Variants in LRRC4C observed in about 807,000 individuals in gnomAD.
The protein encoded by LRRC4C is leucine rich repeat containing 4C.
In LRRC4C, 5 loss-of-function variants were observed where a neutral mutation model predicts 33.6. The observed-to-expected ratio is 0.15, with a 90% confidence interval of 0.08 to 0.31. The LOEUF is 0.31. Ranked by LOEUF, LRRC4C falls within the 10% of genes least tolerant of loss-of-function variation. The pLI is 1.00. For synonymous variants in LRRC4C, 329 were observed against 302.0 expected (o/e 1.09, Z -0.93); for missense variants, 560 against 796.7 (o/e 0.70, Z 3.58).
At chr11:40,731,959 C>T (rs557268449) in intron 2 of LRRC4C, among the ~76,000 whole-genome samples, 6 of 151,986 alleles carry the variant, frequency 3.9e-5, no homozygotes, top group African/African-American at 7.2e-5. Flanking sequence ...TTTGCATGGA[C>T]CTTTTTTGAA....
chr11:40,894,098 T>A (rs558541342), intron 2 of LRRC4C, among the ~76,000 whole-genome samples: 1 of 152,276 alleles, frequency 6.6e-6, no homozygotes, highest in Admixed American at 6.5e-5. Flanking sequence ...GCTTTGCAGA[T>A]CAATTTTTTC....
chr11:40,641,940 C>T (rs538159280), intron 3 of LRRC4C, among the ~76,000 whole-genome samples: 6 of 152,098 alleles, frequency 3.9e-5, no homozygotes, highest in Middle Eastern at 3.5e-3. Flanking sequence ...AAATTCAGAG[C>T]CCTTCCTTGG....
intron 3 of LRRC4C, among the ~76,000 whole-genome samples, chr11:40,557,360 T>G (rs1957371683): frequency 6.6e-6 from 1 of 152,114 alleles, no homozygotes; most frequent in Non-Finnish European, 1.5e-5. Context: ...GTATGAAAAT[T>G]AGAAATAATG....
intron 3 of LRRC4C, among the ~76,000 whole-genome samples, chr11:40,341,624 A>G (rs1946871138): frequency 6.6e-6 from 1 of 152,218 alleles, no homozygotes; most frequent in Non-Finnish European, 1.5e-5. Context: ...CCAACATGGC[A>G]CATGTATACA....
chr11:40,388,687 G>A (rs954156125), intron 3 of LRRC4C, among the ~76,000 whole-genome samples: 3 of 152,144 alleles, frequency 2.0e-5, no homozygotes, highest in African/African-American at 7.2e-5. Context: ...ATGGTAATCT[G>A]CTAACTGAGC....
At chr11:41,227,828 T>C (rs1034328221) in intron 1 of LRRC4C, among the ~76,000 whole-genome samples, 29 of 152,282 alleles carry the variant, frequency 1.9e-4, no homozygotes, top group Admixed American at 1.9e-3. Flanking sequence ...TTTTCTACTA[T>C]TGGATTGATA....
At chr11:40,159,512 T>C (rs1858984521) in intron 5 of LRRC4C, among the ~76,000 whole-genome samples, 1 of 152,128 alleles carries the variant, frequency 6.6e-6, no homozygotes, top group Non-Finnish European at 1.5e-5. Context: ...AAATCTTCCT[T>C]AGAAAAGGTG....
intron 3 of LRRC4C, among the ~76,000 whole-genome samples, chr11:40,591,284 C>T (rs952869278): frequency 1.3e-5 from 2 of 152,180 alleles, no homozygotes; most frequent in Non-Finnish European, 2.9e-5. Context: ...GGAAAGGGAA[C>T]TCCCTGACCC....
chr11:41,298,896 G>A (rs1484841043), intron 1 of LRRC4C, among the ~76,000 whole-genome samples: 1 of 151,318 alleles, frequency 6.6e-6, no homozygotes, highest in Admixed American at 6.6e-5. Context: ...TGTGGTATTT[G>A]ACATTCTATT....
intron 1 of LRRC4C, among the ~76,000 whole-genome samples, chr11:41,199,427 C>T (rs560743526): frequency 2.3e-4 from 35 of 152,140 alleles, no homozygotes; most frequent in Admixed American, 8.5e-4. Flanking sequence ...AATATGATTC[C>T]TCTTCCGGGC....
At chr11:40,876,270 T>TTTG (rs1954884602) in intron 2 of LRRC4C, among the ~76,000 whole-genome samples, 2 of 148,614 alleles carry the variant, frequency 1.3e-5, no homozygotes, top group South Asian at 4.4e-4. Flanking sequence ...GTTTTTTTTT[T>TTTG]TTTTTTTTTT....
intron 5 of LRRC4C, among the ~76,000 whole-genome samples, chr11:40,209,974 A>G (rs1188329819): frequency 6.6e-6 from 1 of 152,222 alleles, no homozygotes; most frequent in Non-Finnish European, 1.5e-5. Context: ...AGAGTAGTAC[A>G]TCACACACTT....
intron 1 of LRRC4C, among the ~76,000 whole-genome samples, chr11:41,273,317 C>T (rs1949377560): frequency 6.6e-6 from 1 of 152,094 alleles, no homozygotes; most frequent in South Asian, 2.1e-4. Context: ...TCAGACCATT[C>T]ACAATAGTCA....
rs10682975 is a variant in LRRC4C at position 40,834,911 on chromosome 11, G to GACACACACACACACACAC, written c.-407+98706_-407+98723dup. Among the ~76,000 whole-genome samples, 55 of 84,924 alleles carry GACACACACACACACACAC rather than the reference G, an allele frequency of 6.5e-4. 1 individual carries two copies. The highest frequency in any genetic ancestry group is 9.4e-4 in the Non-Finnish European group (36 of 38,424). 55.7% of individuals were successfully genotyped at this position (84,924 alleles called of 152,430 possible). The stretch of plus-strand genomic sequence containing the variant: ...AGACAGACAGACAGACAGACAGACA[G>GACACACACACACACACAC]ACACACACACACACACACACACACA... On this transcript the variant is annotated intron_variant, in intron 2 of 6. Coordinates refer to ENST00000528697, the MANE Select transcript of LRRC4C (RefSeq NM_001258419.2).
intron 5 of LRRC4C, among the ~76,000 whole-genome samples, chr11:40,226,206 T>C (rs1041980694): frequency 6.6e-6 from 1 of 152,212 alleles, no homozygotes; most frequent in Non-Finnish European, 1.5e-5. Context: ...TTCAAAGTCT[T>C]AAGCTCATTC....
intron 2 of LRRC4C, among the ~76,000 whole-genome samples, chr11:40,702,170 G>GTA (rs1012710219): frequency 1.4e-4 from 21 of 151,882 alleles, no homozygotes; most frequent in Middle Eastern, 3.4e-3. Context: ...GGTCACACAA[G>GTA]TATATATATA....
At chr11:40,455,469 A>G (rs1470214661) in intron 3 of LRRC4C, among the ~76,000 whole-genome samples, 3 of 152,174 alleles carry the variant, frequency 2.0e-5, no homozygotes, top group Admixed American at 2.0e-4. Context: ...TGTTGATTTC[A>G]GTGATAGCTT....
chr11:40,273,397 A>G (rs986862667), intron 4 of LRRC4C, among the ~76,000 whole-genome samples: 1 of 152,142 alleles, frequency 6.6e-6, no homozygotes. Context: ...TAAGTAGAAC[A>G]AATACACTAC....
intron 3 of LRRC4C, among the ~76,000 whole-genome samples, chr11:40,516,883 T>G (rs1235389170): frequency 1.3e-5 from 2 of 152,092 alleles, no homozygotes; most frequent in African/African-American, 4.8e-5. Flanking sequence ...TGTCAAAAGG[T>G]GTCAGTTAGG....
Sources: allele counts gnomAD v4.1 joint callset (sites outside exome capture counted in the v4.1 genomes callset), GRCh38; gene constraint gnomAD v4.1.1; transcripts MANE v1.5; gene names NCBI Gene and HGNC (gene_info 2026-07-23, HGNC 2026-07-21).